Variants in MOCOS observed in about 807,000 individuals in gnomAD.
The protein encoded by MOCOS is molybdenum cofactor sulfurase, also known as human molybdenum cofactor sulfurase.
In MOCOS, 86 loss-of-function variants were observed where a neutral mutation model predicts 83.6. The ratio of observed to expected loss-of-function variants is 1.03; its 90% CI spans 0.86 to 1.23. MOCOS has a LOEUF of 1.23. Ranked by LOEUF, MOCOS falls within the 50% of genes most tolerant of loss-of-function variation. The pLI, the probability that MOCOS is intolerant of heterozygous loss-of-function variation, is 0.00. For synonymous variants in MOCOS, 445 were observed against 434.7 expected (o/e 1.02, Z -0.29); for missense variants, 1,120 against 1,126.9 (o/e 0.99, Z 0.09).
Position 36,215,661 on chromosome 18 carries a change from G to T in MOCOS, c.1481G>T (p.Gly494Val). The change falls in exon 8 of 15, where the codon GGG (glycine) becomes GTG (valine). Residue 494 changes from glycine to valine, a missense_variant. Coordinates refer to ENST00000261326, the MANE Select transcript of MOCOS (RefSeq NM_017947.4). Reference protein sequence around the residue: ...FIIDTRLHSSGDWPVPQAHAD... With the variant: ...FIIDTRLHSSVDWPVPQAHAD... Reference sequence around the variant, plus strand: ...ATAGACACTCGCCTGCACTCATCAGGGGACTGGCCTGTCCCTCAGGCCCAT... The same window carrying T: ...ATAGACACTCGCCTGCACTCATCAGTGGACTGGCCTGTCCCTCAGGCCCAT... 2 of 1,614,174 alleles carry T rather than the reference G, an allele frequency of 1.2e-6. No individual in the cohort carries two copies. Among genetic ancestry groups the T allele is most frequent in the Non-Finnish European group, 1.7e-6 (2 of 1,180,034 alleles).
chr18:36,204,266 T>C (rs1392895098), intron 5 of MOCOS, among the ~76,000 whole-genome samples: 1 of 152,026 alleles, frequency 6.6e-6, no homozygotes, highest in Non-Finnish European at 1.5e-5. Context: ...TTGGAACTAC[T>C]TTTTTTTCTC....
At chr18:36,192,121 G>C (rs1332974591) in intron 1 of MOCOS, among the ~76,000 whole-genome samples, 1 of 152,048 alleles carries the variant, frequency 6.6e-6, no homozygotes. Flanking sequence ...AGGGCAATTA[G>C]GCAAGAAAAC....
At chr18:36,256,703 G>A in intron 11 of MOCOS, 1 of 395,400 alleles carries the variant, frequency 2.5e-6, no homozygotes, top group Non-Finnish European at 4.8e-6. Context: ...TCCCACCTCA[G>A]CCTCCCAAAG....
chr18:36,203,946 G>T (rs1194988487), intron 5 of MOCOS, among the ~76,000 whole-genome samples: 1 of 152,176 alleles, frequency 6.6e-6, no homozygotes, highest in Non-Finnish European at 1.5e-5. Flanking sequence ...CCAAACTGCA[G>T]GTGACAGTGT....
intron 9 of MOCOS, among the ~76,000 whole-genome samples, chr18:36,243,509 T>C (rs2091591656): frequency 6.6e-6 from 1 of 152,208 alleles, no homozygotes; most frequent in South Asian, 2.1e-4. Context: ...TTGAATTTAG[T>C]TAGCTAGGAT....
At chr18:36,205,944 T>A (rs2091433225) in intron 6 of MOCOS, among the ~76,000 whole-genome samples, 1 of 152,202 alleles carries the variant, frequency 6.6e-6, no homozygotes, top group Non-Finnish European at 1.5e-5. Context: ...TTCACCATTT[T>A]GGCTAGGCTG....
intron 13 of MOCOS, among the ~76,000 whole-genome samples, chr18:36,264,748 C>T (rs1159356816): frequency 6.6e-6 from 1 of 151,866 alleles, no homozygotes; most frequent in Non-Finnish European, 1.5e-5. Flanking sequence ...GATTTAGTAC[C>T]CAGTGCAGAA....
intron 9 of MOCOS, among the ~76,000 whole-genome samples, chr18:36,246,846 G>A (rs505962): frequency 0.014 from 2,076 of 152,296 alleles, 20 homozygotes; most frequent in Middle Eastern, 0.034. Context: ...GTAGAAGGGG[G>A]ATATAATTTT....
chr18:36,217,351 C>T (rs1018846789), intron 8 of MOCOS, among the ~76,000 whole-genome samples: 1 of 152,108 alleles, frequency 6.6e-6, no homozygotes, highest in Non-Finnish European at 1.5e-5. Flanking sequence ...TTTATTTAAG[C>T]TTAAAGTATA....
chr18:36,207,696 C>A (rs976323137), intron 6 of MOCOS, among the ~76,000 whole-genome samples: 1 of 151,218 alleles, frequency 6.6e-6, no homozygotes, highest in Admixed American at 6.6e-5. Flanking sequence ...GATATTAGAC[C>A]TTTATTAGAT....
At chr18:36,254,518 A>G (rs2091634532) in intron 11 of MOCOS, among the ~76,000 whole-genome samples, 1 of 150,890 alleles carries the variant, frequency 6.6e-6, no homozygotes, top group Non-Finnish European at 1.5e-5. Context: ...AGAGAGAGCG[A>G]GAGGGAGAGA....
chr18:36,193,856 G>C (rs996673139), intron 1 of MOCOS, among the ~76,000 whole-genome samples: 4 of 152,154 alleles, frequency 2.6e-5, no homozygotes, highest in African/African-American at 7.2e-5. Flanking sequence ...ATTCATACCA[G>C]CAATCATTTA....
intron 9 of MOCOS, among the ~76,000 whole-genome samples, chr18:36,222,022 C>T (rs1020969244): frequency 6.6e-6 from 1 of 152,130 alleles, no homozygotes; most frequent in Non-Finnish European, 1.5e-5. Flanking sequence ...ACTGCGCTGG[C>T]CCTATTATCC....
At position 36,199,664 on chromosome 18, in the gene MOCOS, G is replaced by A. The variant is rs1179623223; in HGVS notation, c.300-19G>A. The A allele has an allele frequency of 1.2e-6, 2 of 1,612,650 alleles. No individual in the cohort carries two copies. The highest frequency in any genetic ancestry group is 1.7e-6 in the Non-Finnish European group (2 of 1,180,032). On this transcript the variant is annotated intron_variant, in intron 3 of 14. Coordinates refer to ENST00000261326, the MANE Select transcript of MOCOS (RefSeq NM_017947.4). Reference sequence around the variant, plus strand: ...GGGGCTGAGATCCGCGGGTTGCGGGGATGCTGTGCTTCTTCCAGAATCCTG... The same window carrying A: ...GGGGCTGAGATCCGCGGGTTGCGGGAATGCTGTGCTTCTTCCAGAATCCTG...
rs202185757 is a variant in MOCOS at position 36,251,205 on chromosome 18, A to G, written c.2086A>G (p.Thr696Ala). The part of the protein sequence containing the change: ...CGEKISSWLS[T>A]FFGRPCHLIK... Reference sequence around the variant, plus strand: ...AGAAAAAATTTCAAGCTGGTTGTCAACATTTTTTGGCCGTCCTTGTCATTT... The same window carrying G: ...AGAAAAAATTTCAAGCTGGTTGTCAGCATTTTTTGGCCGTCCTTGTCATTT... Residue 696 changes from threonine to alanine, a missense_variant, in exon 11 of 15, where the codon ACA becomes GCA. By Grantham distance (58) the Thr-to-Ala change is moderately conservative. Coordinates refer to ENST00000261326, the MANE Select transcript of MOCOS (RefSeq NM_017947.4). 5 of 1,613,928 alleles carry G rather than the reference A, an allele frequency of 3.1e-6. No homozygotes were observed. In the Admixed American group the frequency reaches 6.7e-5, roughly 22 times the overall value.
intron 9 of MOCOS, among the ~76,000 whole-genome samples, chr18:36,235,007 A>G (rs1053003289): frequency 6.6e-6 from 1 of 152,116 alleles, no homozygotes; most frequent in African/African-American, 2.4e-5. Flanking sequence ...ACTTGAGATG[A>G]GATTTGGATG....
chr18:36,215,446 T>A, intron 7 of MOCOS, 70 bp from the exon 8 acceptor site: 1 of 1,428,898 alleles, frequency 7.0e-7, no homozygotes. Flanking sequence ...AAATTTATTT[T>A]GCCGAACTGT....
At chr18:36,238,988 T>C (rs1374257967) in intron 9 of MOCOS, among the ~76,000 whole-genome samples, 1 of 151,882 alleles carries the variant, frequency 6.6e-6, no homozygotes, top group Non-Finnish European at 1.5e-5. Context: ...GTTTGCTTGG[T>C]AGGTCTTCCT....
chr18:36,262,467 G>A (rs1012543484), intron 13 of MOCOS, among the ~76,000 whole-genome samples: 2 of 152,002 alleles, frequency 1.3e-5, no homozygotes, highest in African/African-American at 2.4e-5. Context: ...AGTCCAGCAC[G>A]AGCATTAAAG....
Sources: gnomAD v4.1 joint callset for allele counts (sites outside exome capture counted in the v4.1 genomes callset) on GRCh38, gnomAD v4.1.1 for gene constraint, MANE v1.5 for transcripts, NCBI Gene and HGNC (gene_info 2026-07-23, HGNC 2026-07-21) for gene names.